The following GLI4 variants were observed in gnomAD, a reference collection of about 807,000 sequenced individuals.
GLI4 encodes the protein zinc finger protein GLI4.
In GLI4, 34 loss-of-function variants were observed where a neutral mutation model predicts 30.9. That is an observed-to-expected ratio of 1.10 (90% CI 0.84 to 1.47). The LOEUF (loss-of-function observed/expected upper bound fraction) is 1.47, where lower values mean the gene tolerates loss of function less well. GLI4 is among the 40% of genes most tolerant of loss of function. The probability of loss-of-function intolerance (pLI) is 0.00; values close to 1 mark genes in which losing one functional copy is unlikely to be tolerated. For missense variants in GLI4, 696 were observed against 538.9 expected (o/e 1.29, Z -2.89); for synonymous variants, 277 against 236.7 (o/e 1.17, Z -1.56).
chr8:143,276,616 C>T lies in GLI4; in HGVS notation c.943C>T (p.Arg315Cys), dbSNP rs1563737908. 1.2e-6 allele frequency: 2 copies of T among 1,612,580 alleles called. No homozygotes were observed. Among genetic ancestry groups the T allele is most frequent in the Admixed American group, 1.7e-5 (1 of 59,954 alleles). ...GAGCTCCGTGCTCATCGAGCACCAG[C>T]GCATCCACACTGGCGAGAAGCCCTA... ...IWSSVLIEHQ[R>C]IHTGEKPYEC... Residue 315 changes from arginine to cysteine, a missense_variant, in exon 4 of 4, where the codon CGC becomes TGC. Arg to Cys is a radical substitution (Grantham distance 180, BLOSUM62 -3). Transcript: ENST00000340042.
chr8:143,270,403 C>A (rs1815241730), intron 2 of GLI4, among the ~76,000 whole-genome samples: 1 of 152,218 alleles, frequency 6.6e-6, no homozygotes, highest in African/African-American at 2.4e-5. Context: ...GGGAGCCAGG[C>A]AGCTTGGCAT....
At chr8:143,267,903 G>C (rs1250495872) in intron 1 of GLI4, 1 of 985,462 alleles carries the variant, frequency 1.0e-6, no homozygotes. Context: ...CTCCCACGGG[G>C]CTGGGAACAG....
In GLI4 at chr8:143,276,045, G is replaced by A; in HGVS notation, c.372G>A (p.Glu124=). 1 of 1,372,284 alleles carries A rather than the reference G, an allele frequency of 7.3e-7. No individual in the cohort carries two copies. Among genetic ancestry groups the A allele is most frequent in the Non-Finnish European group, 9.4e-7 (1 of 1,067,568 alleles). The allele number at this position is 1,372,284 out of a possible 1,614,324, so 85.0% of individuals were successfully genotyped here. A position where few individuals can be genotyped will look rare whatever the true frequency, so the allele number is the denominator to read the frequency against. ...SAGFGPESSA[E]RPAGQPPGAV... ...GCTTCGGGCCTGAATCCAGCGCGGA[G>A]CGGCCGGCGGGCCAGCCGCCTGGGG... Residue 124 remains glutamate (E), a synonymous_variant, in exon 4 of 4, where the codon GAG becomes GAA. Coordinates refer to ENST00000340042, the MANE Select transcript of GLI4 (RefSeq NM_138465.4).
At chr8:143,269,332 C>T (rs1317150829) in intron 1 of GLI4, 28 bp from the exon 2 acceptor site, 4 of 1,566,038 alleles carry the variant, frequency 2.6e-6, no homozygotes, top group Non-Finnish European at 3.5e-6. Context: ...CCAATCCCCT[C>T]ATCTGCCATG....
In GLI4 at chr8:143,270,637, C is replaced by T. The variant is rs181772690; in HGVS notation, c.124+1117C>T. Among the ~76,000 whole-genome samples the T allele has an allele frequency of 5.5e-4, 84 of 152,326 alleles. 1 individual carries two copies. The highest frequency in any genetic ancestry group is 1.9e-3 in the African/African-American group (79 of 41,584). Reference sequence around the variant, plus strand: ...GTGCTCCTCACCCCTTAGTCAGAATCTCAGGGCCCACCCTTGCCCTCTCAT... The same window carrying T: ...GTGCTCCTCACCCCTTAGTCAGAATTTCAGGGCCCACCCTTGCCCTCTCAT... On this transcript the variant is annotated intron_variant, in intron 2 of 3. Coordinates refer to ENST00000340042, the MANE Select transcript of GLI4 (RefSeq NM_138465.4).
chr8:143,275,295 T>G (rs1815359307), intron 3 of GLI4: 2 of 1,484,200 alleles, frequency 1.3e-6, no homozygotes, highest in Admixed American at 2.2e-5. Flanking sequence ...GTGATATGGC[T>G]GGATTTAACA....
chr8:143,276,222 C>A lies in GLI4; in HGVS notation c.549C>A (p.His183Gln), dbSNP rs776621502. 1.9e-6 allele frequency: 3 copies of A among 1,592,646 alleles called. No individual in the cohort carries two copies. In the South Asian group the frequency reaches 3.4e-5, roughly 18 times the overall value. Residue 183 changes from histidine to glutamine, a missense_variant, in exon 4 of 4, where the codon CAC (histidine) becomes CAA (glutamine). His to Gln is a conservative substitution (Grantham distance 24, BLOSUM62 0). Transcript: ENST00000340042. ...GCAGCGCGCGGGGGGCCAAGCCGCACAGGTGCGAGGCCTGCGGCAAGAGTT... is the reference window on the plus strand; with the variant it reads ...GCAGCGCGCGGGGGGCCAAGCCGCAAAGGTGCGAGGCCTGCGGCAAGAGTT... ...RQGSARGAKP[H>Q]RCEACGKSFK...
In GLI4 at chr8:143,275,886, T is replaced by A. The variant is rs913693326; in HGVS notation, c.224-11T>A. Reference sequence around the variant, plus strand: ...GCGGGTACTATCCGCCTCTGCCGTTTCTCATTTCAGACTCCGAGCCCAAGC... The same window carrying A: ...GCGGGTACTATCCGCCTCTGCCGTTACTCATTTCAGACTCCGAGCCCAAGC... On this transcript the variant is annotated splice_polypyrimidine_tract_variant and intron_variant, in intron 3 of 3. Coordinates refer to ENST00000340042, the MANE Select transcript of GLI4 (RefSeq NM_138465.4). 1.2e-5 allele frequency: 16 copies of A among 1,282,136 alleles called. No individual in the cohort carries two copies. The Admixed American group carries it at 2.0e-4, about 16-fold the overall frequency. 79.4% of individuals were successfully genotyped at this position (1,282,136 alleles called of 1,614,324 possible).
Position 143,267,462 on chromosome 8 carries a change from G to T in GLI4, c.-60G>T, listed in dbSNP as rs1025634848. ...GGCCGGACACTTCCGTCCGGCGCGC[G>T]GCGTCCTCCTCCCGCTCGGAAGGTG... On this transcript the variant is annotated 5_prime_UTR_variant, in exon 1 of 4. Coordinates refer to ENST00000340042, the MANE Select transcript of GLI4 (RefSeq NM_138465.4). 2.1e-5 allele frequency: 21 copies of T among 985,464 alleles called. No homozygotes were observed. The highest frequency in any genetic ancestry group is 4.6e-5 in the South Asian group (1 of 21,618). The allele number at this position is 985,464 out of a possible 1,614,324, so 61.0% of individuals were successfully genotyped here. A position where few individuals can be genotyped will look rare whatever the true frequency, so the allele number is the denominator to read the frequency against.
rs533209731 is a variant in GLI4, at chr8:143,267,452, T to G, written c.-70T>G. On this transcript the variant is annotated 5_prime_UTR_variant, in exon 1 of 4. Transcript: ENST00000340042. The stretch of plus-strand genomic sequence containing the variant: ...AGTGGGGCGGGGCCGGACACTTCCG[T>G]CCGGCGCGCGGCGTCCTCCTCCCGC... The G allele has an allele frequency of 4.4e-4, 434 of 984,618 alleles. 1 individual carries two copies. The highest frequency in any genetic ancestry group is 5.2e-4 in the Middle Eastern group (1 of 1,910). 61.0% of individuals were successfully genotyped at this position (984,618 alleles called of 1,614,324 possible). A position where few individuals can be genotyped will look rare whatever the true frequency, so the allele number is the denominator to read the frequency against.
chr8:143,269,551 C>T (rs1815220108), intron 2 of GLI4, 31 bp downstream of exon 2: 1 of 1,579,196 alleles, frequency 6.3e-7, no homozygotes, highest in Non-Finnish European at 8.7e-7. Flanking sequence ...GCGCCCTCCA[C>T]CCTGCATCCC....
At chr8:143,274,867 C>T (rs1815350298) in intron 3 of GLI4, 65 bp downstream of exon 3, 1 of 1,511,654 alleles carries the variant, frequency 6.6e-7, no homozygotes, top group Admixed American at 2.0e-5. Flanking sequence ...CCTCACAATG[C>T]CCACCTCTGT....
At chr8:143,267,596 T>A in intron 1 of GLI4, 112 bp downstream of exon 1, 1 of 985,282 alleles carries the variant, frequency 1.0e-6, no homozygotes, top group Non-Finnish European at 1.2e-6. Context: ...GTGCGGCCCT[T>A]GCAGCCGCCG....
At position 143,276,398 on chromosome 8, in the gene GLI4, G is replaced by A. The variant is rs770601749; in HGVS notation, c.725G>A (p.Gly242Asp). 6 of 1,610,124 alleles carry A rather than the reference G, an allele frequency of 3.7e-6. No homozygotes were observed. Among genetic ancestry groups the A allele is most frequent in the Non-Finnish European group, 5.1e-6 (6 of 1,179,122 alleles). ...IHTGEKPYECGQCGRAFSHSS... is the reference protein window; with the variant it reads ...IHTGEKPYECDQCGRAFSHSS... ...ACGGGCGAGAAGCCCTACGAGTGCG[G>A]CCAGTGCGGCCGCGCCTTCAGCCAC... The change falls in exon 4 of 4, where the codon GGC becomes GAC. Residue 242 changes from glycine (G) to aspartate (D), a missense_variant. Coordinates refer to ENST00000340042, the MANE Select transcript of GLI4 (RefSeq NM_138465.4).
In GLI4 at chr8:143,276,103, C is replaced by T; in HGVS notation, c.430C>T (p.Arg144Cys). The T allele has an allele frequency of 3.5e-6, 5 of 1,437,910 alleles. No homozygotes were observed. Among genetic ancestry groups the T allele is most frequent in the African/African-American group, 1.5e-5 (1 of 66,186 alleles). 89.1% of individuals were successfully genotyped at this position (1,437,910 alleles called of 1,614,324 possible). A position where few individuals can be genotyped will look rare whatever the true frequency, so the allele number is the denominator to read the frequency against. Residue 144 changes from arginine to cysteine, a missense_variant, in exon 4 of 4, where the codon CGC becomes TGC. Transcript: ENST00000340042. ...TTGCGCCCAGCCGCGGGGCGCCTGG[C>T]GCGTGACGCTCGTGCAGCAAGCAGC... ...VPCAQPRGAWRVTLVQQAAAG... is the reference protein window; with the variant it reads ...VPCAQPRGAWCVTLVQQAAAG...
At chr8:143,270,093 G>T (rs745667999) in intron 2 of GLI4, among the ~76,000 whole-genome samples, 1 of 152,250 alleles carries the variant, frequency 6.6e-6, no homozygotes, top group South Asian at 2.1e-4. Flanking sequence ...TCTCTGCTGG[G>T]TGTTCCACAG....
chr8:143,276,001 A>C lies in GLI4; in HGVS notation c.328A>C (p.Arg110=). ...CAGCCTCCTGAGGAGCCTTCCCCGC[A>C]GGGCCCGGTGCAGCGCCGGCTTCGG... ...LRSLLRSLPR[R]ARCSAGFGPE... Residue 110 remains arginine, a synonymous_variant, in exon 4 of 4, where the codon AGG becomes CGG. Transcript: ENST00000340042. 7.1e-7 allele frequency: 1 copy of C among 1,410,528 alleles called. No homozygotes were observed. Among genetic ancestry groups the C allele is most frequent in the Non-Finnish European group, 9.2e-7 (1 of 1,084,540 alleles). The allele number at this position is 1,410,528 out of a possible 1,614,324, so 87.4% of individuals were successfully genotyped here.
In GLI4 at chr8:143,276,062, C is replaced by T. The variant is rs1815378118; in HGVS notation, c.389C>T (p.Pro130Leu). Residue 130 changes from proline to leucine, a missense_variant, in exon 4 of 4, where the codon CCG becomes CTG. Pro to Leu is a moderately conservative substitution (Grantham distance 98). Coordinates refer to ENST00000340042, the MANE Select transcript of GLI4 (RefSeq NM_138465.4). ...AGCGCGGAGCGGCCGGCGGGCCAGC[C>T]GCCTGGGGCCGTCCCTTGCGCCCAG... is the stretch of plus-strand genomic sequence containing the variant. ...ESSAERPAGQ[P>L]PGAVPCAQPR... 2.2e-6 allele frequency: 3 copies of T among 1,352,598 alleles called. No individual in the cohort carries two copies. Among genetic ancestry groups the T allele is most frequent in the Non-Finnish European group, 2.8e-6 (3 of 1,060,544 alleles). 83.8% of individuals were successfully genotyped at this position (1,352,598 alleles called of 1,614,324 possible).
rs760326524 is a variant in GLI4 at position 143,269,413 on chromosome 8, A to G, written c.17A>G (p.Asp6Gly). 1.2e-5 allele frequency: 20 copies of G among 1,611,274 alleles called. No individual in the cohort carries two copies. In the South Asian group the frequency reaches 1.6e-4, roughly 13 times the overall value. Residue 6 changes from aspartate (D) to glycine (G), a missense_variant, in exon 2 of 4, where the codon GAC becomes GGC. By Grantham distance (94) the Asp-to-Gly change is moderately conservative. Transcript: ENST00000340042. Reference sequence around the variant, plus strand: ...TCAGGGAAGATGGCAGCCCTAGGGGACATTCAGGAGTCCCCTTCTGTCCCG... The same window carrying G: ...TCAGGGAAGATGGCAGCCCTAGGGGGCATTCAGGAGTCCCCTTCTGTCCCG... MAALG[D>G]IQESPSVPSP...
Sources: allele counts gnomAD v4.1 joint callset (sites outside exome capture counted in the v4.1 genomes callset), GRCh38; gene constraint gnomAD v4.1.1; transcripts MANE v1.5; gene names NCBI Gene and HGNC (gene_info 2026-07-23, HGNC 2026-07-21).